The following PHACTR1 variants were observed in gnomAD, a reference collection of about 807,000 sequenced individuals.
The protein encoded by PHACTR1 is RPEL repeat containing 1.
In PHACTR1, 16 loss-of-function variants were observed where a neutral mutation model predicts 69.2. The ratio of observed to expected loss-of-function variants is 0.23; its 90% CI spans 0.16 to 0.35. The LOEUF (loss-of-function observed/expected upper bound fraction) is 0.35, where lower values mean the gene tolerates loss of function less well. Among genes scored for constraint, PHACTR1 ranks in the 10% least tolerant of loss-of-function variants. The probability of loss-of-function intolerance (pLI) is 1.00; values close to 1 mark genes in which losing one functional copy is unlikely to be tolerated. For missense variants in PHACTR1, 510 were observed against 734.7 expected (o/e 0.69, Z 3.54); for synonymous variants, 312 against 284.5 (o/e 1.10, Z -0.97).
At chr6:12,969,010 C>T (rs1793843108) in intron 4 of PHACTR1, among the ~76,000 whole-genome samples, 1 of 152,184 alleles carries the variant, frequency 6.6e-6, no homozygotes, top group African/African-American at 2.4e-5. Context: ...ACATTTCTAA[C>T]AACCTCCCAG....
At chr6:12,839,034 A>T (rs1778442431) in intron 4 of PHACTR1, among the ~76,000 whole-genome samples, 1 of 152,240 alleles carries the variant, frequency 6.6e-6, no homozygotes, top group African/African-American at 2.4e-5. Flanking sequence ...GTGTAATTTA[A>T]TACAACCCTG....
chr6:13,284,543 A>AAAT (rs1554187813), intron 13 of PHACTR1, among the ~76,000 whole-genome samples: 10 of 61,352 alleles, frequency 1.6e-4, no homozygotes, highest in East Asian at 4.6e-4. Flanking sequence ...AAAAAAAAAA[A>AAAT]ATATATATAT....
intron 4 of PHACTR1, among the ~76,000 whole-genome samples, chr6:12,935,319 C>G (rs896201091): frequency 6.6e-6 from 1 of 152,196 alleles, no homozygotes; most frequent in Non-Finnish European, 1.5e-5. Flanking sequence ...TCTCGGCTCA[C>G]TGCAACCTCT....
rs1423442857 is a variant in PHACTR1, at chr6:12,740,572, TA to T, written c.104-9064del. Among the ~76,000 whole-genome samples the T allele has an allele frequency of 2.6e-5, 4 of 152,144 alleles. No homozygotes were observed. The South Asian group carries it at 8.3e-4, about 32-fold the overall frequency. Reference sequence around the variant, plus strand: ...TGTCTGTTCAAGTTTTTGGTCCATTTAAAAAAAATTGAGTTGAGCTATCTTT... The same window carrying T: ...TGTCTGTTCAAGTTTTTGGTCCATTTAAAAAAATTGAGTTGAGCTATCTTT... On this transcript the variant is annotated intron_variant, in intron 3 of 14. Coordinates refer to ENST00000332995, the MANE Select transcript of PHACTR1 (RefSeq NM_030948.6).
intron 10 of PHACTR1, among the ~76,000 whole-genome samples, chr6:13,251,319 G>T (rs1041747627): frequency 3.9e-5 from 6 of 152,230 alleles, no homozygotes; most frequent in African/African-American, 1.4e-4. Flanking sequence ...CAGGATGGAG[G>T]CAGGTGTTTA....
rs35209150 is a variant in PHACTR1 at position 12,932,934 on chromosome 6, C to CT, written c.251-120412dup. Among the ~76,000 whole-genome samples, 661 of 124,120 alleles carry CT rather than the reference C, an allele frequency of 5.3e-3. 6 individuals are homozygous for CT. Among genetic ancestry groups the CT allele is most frequent in the African/African-American group, 9.9e-3 (345 of 34,714 alleles). The allele number at this position is 124,120 out of a possible 152,430, so 81.4% of individuals were successfully genotyped here. ...AGCCAGCATTTAATTTATTCCAAAT[C>CT]TTTTTTTTTTTTTTTTTTTGAGATT... On this transcript the variant is annotated intron_variant, in intron 4 of 14. Coordinates refer to ENST00000332995, the MANE Select transcript of PHACTR1 (RefSeq NM_030948.6).
intron 7 of PHACTR1, among the ~76,000 whole-genome samples, chr6:13,195,779 A>G (rs11760186): frequency 0.1 from 12,002 of 118,672 alleles, 1,756 homozygotes; most frequent in East Asian, 0.59. Flanking sequence ...AAAAAAAAAA[A>G]AGTTCATTTG....
chr6:12,802,887 T>G (rs1219114166), intron 4 of PHACTR1, among the ~76,000 whole-genome samples: 1 of 152,206 alleles, frequency 6.6e-6, no homozygotes. Context: ...AGTTTTGAGT[T>G]TGGTTTCCCA....
chr6:13,083,867 A>G (rs1474794540), intron 5 of PHACTR1, among the ~76,000 whole-genome samples: 3 of 151,970 alleles, frequency 2.0e-5, no homozygotes, highest in Non-Finnish European at 4.4e-5. Flanking sequence ...GGGTTTTCTA[A>G]ATATACAATC....
At chr6:13,141,724 C>CTTTTTTTT (rs577073698) in intron 5 of PHACTR1, among the ~76,000 whole-genome samples, 70 of 89,442 alleles carry the variant, frequency 7.8e-4, no homozygotes, top group Middle Eastern at 0.015. Flanking sequence ...TTTCTTCTTT[C>CTTTTTTTT]TTTTTTTTTT....
chr6:13,019,158 C>A (rs1800624504), intron 4 of PHACTR1, among the ~76,000 whole-genome samples: 1 of 151,722 alleles, frequency 6.6e-6, no homozygotes, highest in East Asian at 1.9e-4. Flanking sequence ...AGCAGTCCAC[C>A]CACCTCAGCC....
intron 5 of PHACTR1, among the ~76,000 whole-genome samples, chr6:13,096,628 G>A (rs1042527227): frequency 1.3e-5 from 2 of 152,188 alleles, no homozygotes; most frequent in African/African-American, 4.8e-5. Context: ...GACTGAGGAT[G>A]TGATGAGACT....
At chr6:12,813,444 A>T (rs1342096796) in intron 4 of PHACTR1, among the ~76,000 whole-genome samples, 2 of 152,170 alleles carry the variant, frequency 1.3e-5, no homozygotes, top group Non-Finnish European at 2.9e-5. Context: ...ATGGTTTAGG[A>T]ACCACTACTC....
intron 5 of PHACTR1, among the ~76,000 whole-genome samples, chr6:13,123,755 A>G (rs1029543801): frequency 2.6e-5 from 4 of 152,168 alleles, no homozygotes; most frequent in Non-Finnish European, 5.9e-5. Flanking sequence ...GTGTTTGTAT[A>G]TGTTGTGACT....
At chr6:13,058,209 A>G (rs1485084766) in intron 5 of PHACTR1, among the ~76,000 whole-genome samples, 2 of 152,174 alleles carry the variant, frequency 1.3e-5, no homozygotes, top group East Asian at 1.9e-4. Flanking sequence ...CAAATAGTCA[A>G]CTGCAGCGAT....
chr6:13,228,583 C>G (rs1428916274), intron 9 of PHACTR1, among the ~76,000 whole-genome samples: 3 of 152,186 alleles, frequency 2.0e-5, no homozygotes, highest in African/African-American at 4.8e-5. Flanking sequence ...TGGCCATGAA[C>G]AGTAAATAAA....
intron 5 of PHACTR1, among the ~76,000 whole-genome samples, chr6:13,142,870 G>A (rs1176196660): frequency 1.3e-5 from 2 of 151,664 alleles, no homozygotes; most frequent in East Asian, 1.9e-4. Flanking sequence ...TATACCTAAT[G>A]AACAAATTGT....
intron 5 of PHACTR1, among the ~76,000 whole-genome samples, chr6:13,064,361 G>T (rs1031100110): frequency 6.6e-6 from 1 of 151,282 alleles, no homozygotes; most frequent in Non-Finnish European, 1.5e-5. Flanking sequence ...AATGGATGGA[G>T]GTATGTTCTG....
intron 5 of PHACTR1, among the ~76,000 whole-genome samples, chr6:13,101,346 T>G (rs1815128361): frequency 6.6e-6 from 1 of 152,180 alleles, no homozygotes; most frequent in Non-Finnish European, 1.5e-5. Flanking sequence ...CACTTCTTAT[T>G]AACCCCACTT....
Sources: gnomAD v4.1 joint callset for allele counts (sites outside exome capture counted in the v4.1 genomes callset) on GRCh38, gnomAD v4.1.1 for gene constraint, MANE v1.5 for transcripts, NCBI Gene and HGNC (gene_info 2026-07-23, HGNC 2026-07-21) for gene names.